Variants in GRIK2 observed in about 807,000 individuals in gnomAD.
GRIK2 encodes glutamate receptor ionotropic, kainate 2.
Under a neutral mutation model 100.3 loss-of-function variants are expected in GRIK2, and 32 were observed. That is an observed-to-expected ratio of 0.32 (90% CI 0.24 to 0.43). The LOEUF is 0.43. Ranked by LOEUF, GRIK2 falls within the 20% of genes least tolerant of loss-of-function variation. The probability of loss-of-function intolerance (pLI) is 1.00; values close to 1 mark genes in which losing one functional copy is unlikely to be tolerated. For synonymous variants in GRIK2, 417 were observed against 389.4 expected (o/e 1.07, Z -0.83); for missense variants, 843 against 1,114.9 (o/e 0.76, Z 3.47).
intron 2 of GRIK2, among the ~76,000 whole-genome samples, chr6:101,432,377 A>C (rs1347749904): frequency 6.6e-6 from 1 of 152,176 alleles, no homozygotes; most frequent in Non-Finnish European, 1.5e-5. Context: ...AATCCTTTGG[A>C]GTATTCTTAA....
At chr6:101,989,546 A>G (rs1490615107) in intron 14 of GRIK2, among the ~76,000 whole-genome samples, 1 of 60,014 alleles carries the variant, frequency 1.7e-5, no homozygotes, top group African/African-American at 5.7e-5. Flanking sequence ...GAAAAGCAGA[A>G]AAATTAGTTA....
At chr6:101,403,418 C>G (rs1330734644) in intron 2 of GRIK2, among the ~76,000 whole-genome samples, 1 of 152,176 alleles carries the variant, frequency 6.6e-6, no homozygotes, top group African/African-American at 2.4e-5. Context: ...GCTGGGGTCT[C>G]TTTGGCACTG....
intron 2 of GRIK2, among the ~76,000 whole-genome samples, chr6:101,408,062 A>AT (rs2128237256): frequency 6.6e-6 from 1 of 152,156 alleles, no homozygotes; most frequent in East Asian, 1.9e-4. Flanking sequence ...TAAGGCCTTG[A>AT]TTTTTCAGAG....
At chr6:101,686,024 A>G (rs762618157) in intron 6 of GRIK2, among the ~76,000 whole-genome samples, 156 bp from the exon 7 acceptor site, 24 of 152,118 alleles carry the variant, frequency 1.6e-4, no homozygotes, top group Non-Finnish European at 3.1e-4. Flanking sequence ...GCATGAGGAC[A>G]GTCTATTTGA....
At chr6:102,005,726 T>C (rs926446597) in intron 14 of GRIK2, among the ~76,000 whole-genome samples, 1 of 152,092 alleles carries the variant, frequency 6.6e-6, no homozygotes, top group Non-Finnish European at 1.5e-5. Context: ...AGTGAAAATA[T>C]ATTTTATTTC....
intron 2 of GRIK2, among the ~76,000 whole-genome samples, chr6:101,618,885 T>C (rs1454227295): frequency 6.6e-6 from 1 of 151,216 alleles, no homozygotes; most frequent in Non-Finnish European, 1.5e-5. Flanking sequence ...CCTCCTCTTA[T>C]ATATAAAATT....
intron 7 of GRIK2, among the ~76,000 whole-genome samples, chr6:101,733,708 CTTTTT>C (rs34438783): frequency 7.1e-4 from 60 of 83,940 alleles, no homozygotes; most frequent in South Asian, 6.1e-3. Flanking sequence ...ATTCCTCTTT[CTTTTT>C]TTTTTTTTTT....
At chr6:101,765,955 G>A (rs539882952) in intron 7 of GRIK2, among the ~76,000 whole-genome samples, 1 of 152,026 alleles carries the variant, frequency 6.6e-6, no homozygotes, top group South Asian at 2.1e-4. Context: ...GTATCACAAA[G>A]CCTAAATTTA....
chr6:101,717,736 G>T (rs1351034617), intron 7 of GRIK2, among the ~76,000 whole-genome samples: 1 of 151,776 alleles, frequency 6.6e-6, no homozygotes. Flanking sequence ...TGAAGTAAAA[G>T]GTGTCAATTT....
chr6:101,805,313 T>TCAA (rs748844234), intron 9 of GRIK2, among the ~76,000 whole-genome samples: 34 of 142,090 alleles, frequency 2.4e-4, no homozygotes, highest in African/African-American at 8.4e-4. Context: ...TTCATCACCT[T>TCAA]AAAAAAAAAA....
intron 12 of GRIK2, among the ~76,000 whole-genome samples, chr6:101,891,174 A>G (rs1787046020): frequency 6.6e-6 from 1 of 151,438 alleles, no homozygotes; most frequent in Non-Finnish European, 1.5e-5. Flanking sequence ...TTTTCTAGCC[A>G]TAAAAATCTT....
rs185796568 is a variant in GRIK2 at position 101,823,130 on chromosome 6, G to T, written c.1317+4647G>T. ...CTAGTCTCTGCACTCCCCTCATTTA[G>T]TACTTAGTTTTCTTTTACTCTCTTT... On this transcript the variant is annotated intron_variant, in intron 10 of 16. Coordinates refer to ENST00000369134, the MANE Select transcript of GRIK2 (RefSeq NM_021956.5). Among the ~76,000 whole-genome samples the T allele has an allele frequency of 1.1e-3, 171 of 152,140 alleles. 1 individual carries two copies. In the Middle Eastern group the frequency reaches 0.017, roughly 15 times the overall value.
intron 4 of GRIK2, among the ~76,000 whole-genome samples, chr6:101,654,765 C>G (rs1212859853): frequency 3.9e-5 from 6 of 152,080 alleles, no homozygotes; most frequent in African/African-American, 1.4e-4. Context: ...TCCACTTTAA[C>G]CTCTATGCCA....
intron 2 of GRIK2, among the ~76,000 whole-genome samples, chr6:101,408,376 G>A (rs1411442546): frequency 1.7e-5 from 1 of 58,344 alleles, no homozygotes; most frequent in Admixed American, 1.4e-4. Context: ...GGGAGGAAGT[G>A]AGAGAGAGAG....
chr6:101,588,599 T>A (rs2128305627), intron 2 of GRIK2, among the ~76,000 whole-genome samples: 1 of 151,858 alleles, frequency 6.6e-6, no homozygotes, highest in African/African-American at 2.4e-5. Context: ...GCACAATGAT[T>A]GCACCTGTGA....
chr6:101,414,756 G>C (rs1445485980), intron 2 of GRIK2, among the ~76,000 whole-genome samples: 1 of 152,128 alleles, frequency 6.6e-6, no homozygotes, highest in African/African-American at 2.4e-5. Context: ...TAGTCAAATA[G>C]CTATTCCCTG....
chr6:101,788,807 A>G (rs1410286691), intron 7 of GRIK2, among the ~76,000 whole-genome samples: 1 of 152,124 alleles, frequency 6.6e-6, no homozygotes, highest in African/African-American at 2.4e-5. Context: ...CAATGGTTGA[A>G]CTAGTTTACA....
chr6:101,587,619 C>T (rs1468637799), intron 2 of GRIK2, among the ~76,000 whole-genome samples: 1 of 151,958 alleles, frequency 6.6e-6, no homozygotes, highest in African/African-American at 2.4e-5. Flanking sequence ...TATGTAAAAG[C>T]AAATTTAAGT....
rs1163558120 is a variant in GRIK2, at chr6:101,523,720, C to CTTTTTTTTT, written c.116-98218_116-98210dup. Among the ~76,000 whole-genome samples the CTTTTTTTTT allele has an allele frequency of 1.7e-3, 207 of 121,522 alleles. 10 individuals are homozygous for CTTTTTTTTT. The highest frequency in any genetic ancestry group is 2.8e-3 in the Non-Finnish European group (161 of 58,224). 79.7% of individuals were successfully genotyped at this position (121,522 alleles called of 152,430 possible). On this transcript the variant is annotated intron_variant, in intron 2 of 16. Coordinates refer to ENST00000369134, the MANE Select transcript of GRIK2 (RefSeq NM_021956.5). ...AAATAGAACATAATGACTCCTAAGT[C>CTTTTTTTTT]TTTTTTTTTTTTTTTTTTTGATGGA...
Sources: gnomAD v4.1 joint callset for allele counts (sites outside exome capture counted in the v4.1 genomes callset) on GRCh38, gnomAD v4.1.1 for gene constraint, MANE v1.5 for transcripts, NCBI Gene and HGNC (gene_info 2026-07-23, HGNC 2026-07-21) for gene names.